ADAMTS18: variants seen among roughly 807,000 people sequenced by gnomAD.
ADAMTS18 encodes A disintegrin and metalloproteinase with thrombospondin motifs 18.
Under a neutral mutation model 165.9 loss-of-function variants are expected in ADAMTS18, and 157 were observed. That is an observed-to-expected ratio of 0.95 (90% CI 0.83 to 1.08). The LOEUF (loss-of-function observed/expected upper bound fraction) is 1.08, where lower values mean the gene tolerates loss of function less well. ADAMTS18 is among the 50% of genes least tolerant of loss of function. The probability of loss-of-function intolerance (pLI) is 0.00; values close to 1 mark genes in which losing one functional copy is unlikely to be tolerated. For missense variants in ADAMTS18, 2,040 were observed against 1,534.0 expected, an observed-to-expected ratio of 1.33 and a Z score of -5.51; for synonymous variants, 782 against 578.2, an observed-to-expected ratio of 1.35 and a Z score of -5.06.
chr16:77,288,231 G>C (rs752034487), intron 22 of ADAMTS18, among the ~76,000 whole-genome samples: 1 of 152,048 alleles, frequency 6.6e-6, no homozygotes. Flanking sequence ...GGTCATTGTC[G>C]TTGGGGGTGC....
intron 8 of ADAMTS18, among the ~76,000 whole-genome samples, chr16:77,357,394 A>T (rs777054498): frequency 2.0e-5 from 3 of 152,160 alleles, no homozygotes; most frequent in Non-Finnish European, 4.4e-5. Flanking sequence ...GTCAATGTAT[A>T]CTCAGTGAAA....
Position 77,434,720 on chromosome 16 carries a change from C to T in ADAMTS18, c.-25G>A, listed in dbSNP as rs892636212. ...TGGTCAGGTGCGGACGCGGCGGCTG[C>T]GGGTGGCCAGACGCGGCAGGCGGAG... is the stretch of plus-strand genomic sequence containing the variant. On this transcript the variant is annotated 5_prime_UTR_variant, in exon 1 of 23. Coordinates refer to ENST00000282849, the MANE Select transcript of ADAMTS18 (RefSeq NM_199355.4). The T allele has an allele frequency of 6.3e-6, 9 of 1,421,060 alleles. No homozygotes were observed. The highest frequency in any genetic ancestry group is 6.0e-5 in the African/African-American group (4 of 67,074). 88.0% of individuals were successfully genotyped at this position (1,421,060 alleles called of 1,614,324 possible). A position where few individuals can be genotyped will look rare whatever the true frequency, so the allele number is the denominator to read the frequency against.
chr16:77,298,892 C>A (rs1397060046), intron 17 of ADAMTS18, among the ~76,000 whole-genome samples: 1 of 152,268 alleles, frequency 6.6e-6, no homozygotes, highest in African/African-American at 2.4e-5. Flanking sequence ...GGACACAGGA[C>A]ACACCAGGGT....
chr16:77,407,118 T>A (rs148303436), intron 3 of ADAMTS18, among the ~76,000 whole-genome samples: 22 of 152,230 alleles, frequency 1.4e-4, no homozygotes, highest in African/African-American at 5.1e-4. Context: ...AAGGAATTTA[T>A]AAGTAAACTT....
At chr16:77,297,652 G>C (rs1388128357) in intron 17 of ADAMTS18, among the ~76,000 whole-genome samples, 1 of 151,902 alleles carries the variant, frequency 6.6e-6, no homozygotes, top group East Asian at 1.9e-4. Flanking sequence ...TGGTTTTCAA[G>C]ACTGATGTGG....
At chr16:77,303,312 G>C (rs539581512) in intron 16 of ADAMTS18, among the ~76,000 whole-genome samples, 1 of 152,116 alleles carries the variant, frequency 6.6e-6, no homozygotes, top group African/African-American at 2.4e-5. Context: ...ATGACACCCC[G>C]CCTCTGACAC....
chr16:77,325,749 G>T, intron 13 of ADAMTS18, 117 bp downstream of exon 13: 1 of 1,058,420 alleles, frequency 9.4e-7, no homozygotes, highest in East Asian at 2.5e-5. Context: ...GGATGGGTCT[G>T]GGGAGTGAAA....
chr16:77,428,740 G>A (rs1424197238), intron 3 of ADAMTS18, among the ~76,000 whole-genome samples: 1 of 151,974 alleles, frequency 6.6e-6, no homozygotes, highest in Non-Finnish European at 1.5e-5. Flanking sequence ...ATCCTTATTG[G>A]AGCATTTCAG....
At chr16:77,352,766 T>C (rs1450539339) in intron 10 of ADAMTS18, among the ~76,000 whole-genome samples, 1 of 152,082 alleles carries the variant, frequency 6.6e-6, no homozygotes, top group African/African-American at 2.4e-5. Flanking sequence ...ACTTAGAACT[T>C]CCATATTTCT....
At chr16:77,326,170 G>T in intron 12 of ADAMTS18, 132 bp from the exon 13 acceptor site, 1 of 873,024 alleles carries the variant, frequency 1.1e-6, no homozygotes, top group Non-Finnish European at 1.8e-6. Flanking sequence ...GTCTATTACA[G>T]GAATGGAAGT....
intron 16 of ADAMTS18, among the ~76,000 whole-genome samples, chr16:77,315,437 G>A (rs2055869577): frequency 6.6e-6 from 1 of 152,218 alleles, no homozygotes; most frequent in Admixed American, 6.5e-5. Context: ...AGCAACAGCA[G>A]GAAGAACAGC....
chr16:77,291,201 T>G (rs1019807771), intron 21 of ADAMTS18, 65 bp downstream of exon 21: 2 of 1,558,272 alleles, frequency 1.3e-6, no homozygotes, highest in Non-Finnish European at 1.8e-6. Flanking sequence ...AGCAACTGTT[T>G]GCAGAACGCC....
At chr16:77,301,041 G>A (rs2055572895) in intron 16 of ADAMTS18, among the ~76,000 whole-genome samples, 1 of 152,104 alleles carries the variant, frequency 6.6e-6, no homozygotes, top group Non-Finnish European at 1.5e-5. Context: ...AGGATGAGCA[G>A]ATAAGAAGAA....
intron 3 of ADAMTS18, among the ~76,000 whole-genome samples, chr16:77,398,708 C>T (rs970534180): frequency 6.6e-6 from 1 of 152,106 alleles, no homozygotes; most frequent in African/African-American, 2.4e-5. Flanking sequence ...CACTTGATGA[C>T]CTTAGTACAC....
intron 3 of ADAMTS18, among the ~76,000 whole-genome samples, chr16:77,409,280 A>G (rs971307507): frequency 2.0e-5 from 3 of 152,216 alleles, no homozygotes; most frequent in Admixed American, 2.0e-4. Context: ...GTAGGATTGC[A>G]GAAGCACCTT....
chr16:77,291,395 G>A lies in ADAMTS18; in HGVS notation c.3273C>T (p.Phe1091=), dbSNP rs1212529128. Residue 1091 remains phenylalanine (F), a synonymous_variant, in exon 21 of 23, where the codon TTC becomes TTT. Transcript: ENST00000282849. The part of the protein sequence containing the change: ...EKGFQGKLIT[F]PERRCRNIKK... ...TAATATTACGGCATCTTCGCTCTGG[G>A]AAAGTTATCAGCTTTCCCTGGAAGC... 1 of 1,614,048 alleles carries A rather than the reference G, an allele frequency of 6.2e-7. No individual in the cohort carries two copies. Among genetic ancestry groups the A allele is most frequent in the African/African-American group, 1.3e-5 (1 of 74,922 alleles).
chr16:77,407,167 A>G (rs953637526), intron 3 of ADAMTS18, among the ~76,000 whole-genome samples: 2 of 152,150 alleles, frequency 1.3e-5, no homozygotes, highest in African/African-American at 2.4e-5. Flanking sequence ...ATAAGAGTCT[A>G]TATACAAAAA....
chr16:77,355,002 G>T (rs2056607133), intron 9 of ADAMTS18, among the ~76,000 whole-genome samples: 1 of 152,146 alleles, frequency 6.6e-6, no homozygotes, highest in Non-Finnish European at 1.5e-5. Flanking sequence ...TATGTGGTTA[G>T]ATATCTTCAC....
At position 77,431,305 on chromosome 16, in the gene ADAMTS18, C is replaced by G. The variant is rs979102560; in HGVS notation, c.485G>C (p.Cys162Ser). The change falls in exon 3 of 23, where the codon TGT (cysteine) becomes TCT (serine). Residue 162 changes from cysteine (C) to serine (S), a missense_variant. Cys to Ser is a moderately radical substitution (Grantham distance 112). Transcript: ENST00000282849. The stretch of plus-strand genomic sequence containing the variant: ...CTGGGGTGTACTTACCAAGCCAGCA[C>G]ACGTAGACACAGCGACAGAGGAGGA... ...DSSSSVAVSTCAGLSGLIRTR... is the reference protein window; with the variant it reads ...DSSSSVAVSTSAGLSGLIRTR... The G allele has an allele frequency of 6.2e-7, 1 of 1,614,130 alleles. No homozygotes were observed. The highest frequency in any genetic ancestry group is 8.5e-7 in the Non-Finnish European group (1 of 1,180,034).
Sources: gnomAD v4.1 joint callset for allele counts (sites outside exome capture counted in the v4.1 genomes callset) on GRCh38, gnomAD v4.1.1 for gene constraint, MANE v1.5 for transcripts, NCBI Gene and HGNC (gene_info 2026-07-23, HGNC 2026-07-21) for gene names.